C2orf49: variants seen among roughly 807,000 people sequenced by gnomAD.
C2orf49 encodes tRNA-splicing ligase complex subunit ASW.
In C2orf49, 11 loss-of-function variants were observed where a neutral mutation model predicts 20.6. That is an observed-to-expected ratio of 0.53 (90% CI 0.34 to 0.88). C2orf49 has a LOEUF of 0.88. C2orf49 is among the 40% of genes least tolerant of loss of function. C2orf49 has a pLI of 0.02. For missense variants in C2orf49, 289 were observed against 274.2 expected, an observed-to-expected ratio of 1.05 and a Z score of -0.38; for synonymous variants, 134 against 108.5, an observed-to-expected ratio of 1.24 and a Z score of -1.46.
At chr2:105,351,313 G>GCCC (rs376749614), downstream of C2orf49, among the ~76,000 whole-genome samples, 23 of 36,070 alleles carry the variant, frequency 6.4e-4, no homozygotes, top group South Asian at 1.2e-3. Flanking sequence ...TGCCCACCGC[G>GCCC]CCCCCCCCCC....
At chr2:105,352,343 T>TCTA (rs530735896), downstream of C2orf49, among the ~76,000 whole-genome samples, 137 of 151,634 alleles carry the variant, frequency 9.0e-4, 1 homozygote, top group Middle Eastern at 3.4e-3. Flanking sequence ...TTTTAAGGTG[T>TCTA]CTGTACTTAG....
At chr2:105,354,977 G>A in the C2orf49 span, among the ~76,000 whole-genome samples, 1 of 152,192 alleles carries the variant, frequency 6.6e-6, no homozygotes, top group African/African-American at 2.4e-5. Context: ...AGAGCTGACA[G>A]GCTAAGAGAC....
chr2:105,361,363 A>C, the C2orf49 span: 6 of 1,614,178 alleles, frequency 3.7e-6, no homozygotes, highest in South Asian at 6.6e-5. Context: ...GAGAGGGAGC[A>C]CTTCTTACAG....
chr2:105,343,232 G>C lies in C2orf49; in HGVS notation c.642+9G>C. ...AAGAGGCAGAGGCCATGGTAAGTAT[G>C]GGGGTGGTTTCCATGCTGGTAAGTG... On this transcript the variant is annotated intron_variant, in intron 3 of 3. Transcript: ENST00000258457. 6.4e-7 allele frequency: 1 copy of C among 1,559,512 alleles called. No homozygotes were observed. Among genetic ancestry groups the C allele is most frequent in the East Asian group, 2.2e-5 (1 of 44,534 alleles).
chr2:105,371,415 C>T, the C2orf49 span, among the ~76,000 whole-genome samples: 6 of 152,144 alleles, frequency 3.9e-5, no homozygotes, highest in African/African-American at 1.2e-4. Context: ...TTCCAGCCTG[C>T]CGCCCTACGG....
At chr2:105,370,254 G>A in the C2orf49 span, among the ~76,000 whole-genome samples, 2 of 151,986 alleles carry the variant, frequency 1.3e-5, no homozygotes, top group African/African-American at 2.4e-5. Context: ...GTGTGCCTGA[G>A]GTCCTAGACA....
At chr2:105,351,334 A>G (rs1679931958), downstream of C2orf49, among the ~76,000 whole-genome samples, 1 of 114,708 alleles carries the variant, frequency 8.7e-6, no homozygotes, top group Non-Finnish European at 2.0e-5. Context: ...CCCAAAAAAA[A>G]AGGTTATTTC....
At chr2:105,365,108 A>G in the C2orf49 span, among the ~76,000 whole-genome samples, 1 of 152,052 alleles carries the variant, frequency 6.6e-6, no homozygotes, top group African/African-American at 2.4e-5. Flanking sequence ...AGCTAACTCA[A>G]TGCCTCTGAG....
the C2orf49 span, among the ~76,000 whole-genome samples, chr2:105,369,271 A>C: frequency 6.6e-6 from 1 of 152,356 alleles, no homozygotes; most frequent in East Asian, 1.9e-4. Flanking sequence ...GGTGGCTTAT[A>C]GGAGTCTATA....
At chr2:105,374,766 A>G in the C2orf49 span, among the ~76,000 whole-genome samples, 12 of 152,204 alleles carry the variant, frequency 7.9e-5, no homozygotes, top group Non-Finnish European at 1.3e-4. Context: ...TTAAAATAAC[A>G]ATCTCTTTAT....
At chr2:105,340,577 T>C (rs114716198) in intron 2 of C2orf49, among the ~76,000 whole-genome samples, 1,722 of 152,340 alleles carry the variant, frequency 0.011, 13 homozygotes, top group Middle Eastern at 0.024. Flanking sequence ...TCTAAGGTCT[T>C]TGAATAATAC....
chr2:105,341,373 G>A (rs184877293), intron 2 of C2orf49, among the ~76,000 whole-genome samples: 2 of 152,298 alleles, frequency 1.3e-5, no homozygotes, highest in Admixed American at 1.3e-4. Context: ...ATTAAAACTG[G>A]AAGGATCCAA....
At chr2:105,384,617 C>G in the C2orf49 span, among the ~76,000 whole-genome samples, 1 of 152,186 alleles carries the variant, frequency 6.6e-6, no homozygotes, top group African/African-American at 2.4e-5. Flanking sequence ...AAGTGATTCT[C>G]GTGCCTCAGC....
At chr2:105,365,403 A>G in the C2orf49 span, among the ~76,000 whole-genome samples, 1 of 152,232 alleles carries the variant, frequency 6.6e-6, no homozygotes, top group Admixed American at 6.5e-5. Flanking sequence ...GAACATGCAC[A>G]CAAAAAGCAT....
At chr2:105,373,077 C>G in the C2orf49 span, among the ~76,000 whole-genome samples, 3 of 152,182 alleles carry the variant, frequency 2.0e-5, no homozygotes, top group African/African-American at 7.2e-5. Flanking sequence ...GACTGTCCGT[C>G]TAGAACACCA....
chr2:105,384,107 T>C, the C2orf49 span, among the ~76,000 whole-genome samples: 4 of 152,228 alleles, frequency 2.6e-5, no homozygotes, highest in Non-Finnish European at 5.9e-5. Context: ...TGTTTTTATT[T>C]CAGCCACTGG....
At chr2:105,370,359 A>G in the C2orf49 span, among the ~76,000 whole-genome samples, 3 of 151,378 alleles carry the variant, frequency 2.0e-5, no homozygotes, top group Non-Finnish European at 4.4e-5. Context: ...TGAGCGAAAG[A>G]GCGAGATCCT....
At chr2:105,367,432 T>C in the C2orf49 span, 22 of 809,422 alleles carry the variant, frequency 2.7e-5, no homozygotes, top group African/African-American at 5.2e-5. Flanking sequence ...ATGCTCAGAA[T>C]GTAAGGCAGG....
At chr2:105,350,695 G>A (rs570375106), downstream of C2orf49, among the ~76,000 whole-genome samples, 254 of 152,136 alleles carry the variant, frequency 1.7e-3, no homozygotes, top group African/African-American at 5.9e-3. Flanking sequence ...CCTATCTTTC[G>A]AAGCCTTCTG....
Sources: gnomAD v4.1 joint callset for allele counts (sites outside exome capture counted in the v4.1 genomes callset) on GRCh38, gnomAD v4.1.1 for gene constraint, MANE v1.5 for transcripts, NCBI Gene and HGNC (gene_info 2026-07-23, HGNC 2026-07-21) for gene names.